Variants in CNTN5 observed in about 807,000 individuals in gnomAD.
CNTN5 encodes the protein contactin-5.
In CNTN5, 77 loss-of-function variants were observed where a neutral mutation model predicts 129.1. That is an observed-to-expected ratio of 0.60 (90% CI 0.50 to 0.72). CNTN5 has a LOEUF of 0.72. CNTN5 is among the 30% of genes least tolerant of loss of function. The pLI is 0.00. For missense variants in CNTN5, 1,478 were observed against 1,328.8 expected, an observed-to-expected ratio of 1.11 and a Z score of -1.75; for synonymous variants, 509 against 465.6, an observed-to-expected ratio of 1.09 and a Z score of -1.20.
intron 21 of CNTN5, among the ~76,000 whole-genome samples, chr11:100,311,261 A>T (rs1320589800): frequency 6.6e-6 from 1 of 151,944 alleles, no homozygotes; most frequent in Non-Finnish European, 1.5e-5. Context: ...GCTATGAAAA[A>T]GATGAGACAA....
chr11:99,331,238 T>C (rs1480598514), intron 2 of CNTN5, among the ~76,000 whole-genome samples: 1 of 152,096 alleles, frequency 6.6e-6, no homozygotes, highest in Non-Finnish European at 1.5e-5. Flanking sequence ...TATGAAAACT[T>C]GATATACAAG....
intron 18 of CNTN5, among the ~76,000 whole-genome samples, chr11:100,291,741 T>C (rs1950978147): frequency 6.9e-6 from 1 of 144,400 alleles, no homozygotes; most frequent in East Asian, 2.0e-4. Context: ...CCCTAAAACG[T>C]AAAGTATAAT....
intron 9 of CNTN5, among the ~76,000 whole-genome samples, chr11:100,003,106 G>A (rs116128784): frequency 0.01 from 1,582 of 152,160 alleles, 29 homozygotes; most frequent in African/African-American, 0.036. Flanking sequence ...AACGAACATA[G>A]TAAACACCGT....
chr11:99,741,689 C>T (rs530831486), intron 3 of CNTN5, among the ~76,000 whole-genome samples: 7 of 152,224 alleles, frequency 4.6e-5, no homozygotes, highest in African/African-American at 1.7e-4. Flanking sequence ...AGTTAATTTA[C>T]AGCTTAAGAA....
chr11:99,796,397 A>AG (rs1565542813), intron 3 of CNTN5, among the ~76,000 whole-genome samples: 1 of 151,784 alleles, frequency 6.6e-6, no homozygotes, highest in African/African-American at 2.4e-5. Context: ...GCAAAGTGAT[A>AG]GGGGGGTAGC....
chr11:100,284,066 A>G (rs981675244), intron 18 of CNTN5, among the ~76,000 whole-genome samples: 6 of 152,144 alleles, frequency 3.9e-5, no homozygotes, highest in African/African-American at 1.4e-4. Context: ...AATGTCTCAC[A>G]ATTGTTGCAC....
chr11:99,125,224 C>T (rs7109365), intron 1 of CNTN5, among the ~76,000 whole-genome samples: 130,037 of 152,018 alleles, frequency 0.86, 55,905 homozygotes, highest in East Asian at 0.95. Context: ...TACTATAAAA[C>T]CGAATCCAGC....
chr11:100,227,041 G>C (rs1949390045), intron 16 of CNTN5, among the ~76,000 whole-genome samples: 1 of 151,956 alleles, frequency 6.6e-6, no homozygotes, highest in Admixed American at 6.6e-5. Flanking sequence ...ATGTGTCACA[G>C]AGAGATGGGA....
At chr11:99,030,039 A>T (rs1360399878) in intron 1 of CNTN5, among the ~76,000 whole-genome samples, 1 of 152,192 alleles carries the variant, frequency 6.6e-6, no homozygotes, top group Non-Finnish European at 1.5e-5. Flanking sequence ...AGAAGAGAGA[A>T]GAAACCACAT....
chr11:99,676,428 T>G (rs1348067218), intron 3 of CNTN5, among the ~76,000 whole-genome samples: 1 of 152,198 alleles, frequency 6.6e-6, no homozygotes, highest in Non-Finnish European at 1.5e-5. Context: ...ACTACATGCT[T>G]TTTGTCACAT....
chr11:99,408,490 G>GAAAGAAAGAAAGAAAGAA (rs1942234705), intron 2 of CNTN5, among the ~76,000 whole-genome samples: 1 of 146,580 alleles, frequency 6.8e-6, no homozygotes, highest in South Asian at 2.3e-4. Context: ...AAGAAAGAAA[G>GAAAGAAAGAAAGAAAGAA]AAAGAAAGAA....
intron 2 of CNTN5, among the ~76,000 whole-genome samples, chr11:99,433,409 G>GTGTCTT (rs1565578711): frequency 7.2e-4 from 106 of 147,948 alleles, no homozygotes; most frequent in African/African-American, 2.4e-3. Flanking sequence ...GTGTCTTTGT[G>GTGTCTT]TGTGTGTGTG....
At chr11:99,815,398 A>C (rs1175690302) in intron 3 of CNTN5, among the ~76,000 whole-genome samples, 1 of 152,154 alleles carries the variant, frequency 6.6e-6, no homozygotes, top group Non-Finnish European at 1.5e-5. Context: ...TATGTCATAG[A>C]AAAGGGCTGG....
intron 2 of CNTN5, among the ~76,000 whole-genome samples, chr11:99,451,349 C>A (rs1048878793): frequency 1.5e-4 from 23 of 152,008 alleles, no homozygotes; most frequent in African/African-American, 5.6e-4. Flanking sequence ...TTCACATTAG[C>A]CGATTCTAAG....
rs182158279 is a variant in CNTN5 at position 99,439,930 on chromosome 11, G to A, written c.-71+114446G>A. 3.1e-3 allele frequency among the ~76,000 whole-genome samples: 472 copies of A among 152,202 alleles called. 2 individuals are homozygous for A. Among genetic ancestry groups the A allele is most frequent in the African/African-American group, 0.011 (454 of 41,542 alleles). ...ATAAAACATTTAGATCAATGCAGAT[G>A]TGGTTGTAATAAAAGACAAAATGTA... is the stretch of plus-strand genomic sequence containing the variant. On this transcript the variant is annotated intron_variant, in intron 2 of 24. Coordinates refer to ENST00000524871, the MANE Select transcript of CNTN5 (RefSeq NM_014361.4).
intron 3 of CNTN5, among the ~76,000 whole-genome samples, chr11:99,578,434 CA>C (rs1949442989): frequency 6.8e-6 from 1 of 147,340 alleles, no homozygotes; most frequent in Non-Finnish European, 1.5e-5. Context: ...AACTAGTTTA[CA>C]GTCCCACCAA....
At chr11:99,370,962 T>A (rs1181587218) in intron 2 of CNTN5, among the ~76,000 whole-genome samples, 3 of 152,204 alleles carry the variant, frequency 2.0e-5, no homozygotes, top group Admixed American at 6.5e-5. Flanking sequence ...TGGCACTTGA[T>A]TTCCAGCAGC....
intron 13 of CNTN5, among the ~76,000 whole-genome samples, chr11:100,080,783 G>A (rs141299874): frequency 0.011 from 1,604 of 152,122 alleles, 32 homozygotes; most frequent in African/African-American, 0.034. Context: ...GTAAGAAATT[G>A]TATAATGAAA....
At chr11:100,140,985 A>G (rs1946682275) in intron 13 of CNTN5, among the ~76,000 whole-genome samples, 1 of 152,160 alleles carries the variant, frequency 6.6e-6, no homozygotes, top group African/African-American at 2.4e-5. Flanking sequence ...TACAGAAATA[A>G]TGTTCACATC....
Sources: allele counts gnomAD v4.1 joint callset (sites outside exome capture counted in the v4.1 genomes callset), GRCh38; gene constraint gnomAD v4.1.1; transcripts MANE v1.5; gene names NCBI Gene and HGNC (gene_info 2026-07-23, HGNC 2026-07-21).